Variants in EGR3 observed in about 807,000 individuals in gnomAD.
The protein encoded by EGR3 is early growth response 3.
A neutral mutation model predicts 22.4 loss-of-function variants in EGR3; 4 were observed. The observed-to-expected ratio is 0.18, with a 90% CI of 0.09 to 0.41. EGR3 has a LOEUF of 0.41. Among genes scored for constraint, EGR3 ranks in the 10% least tolerant of loss-of-function variants. EGR3 has a pLI of 1.00. For missense variants in EGR3, 315 were observed against 541.3 expected (o/e 0.58, Z 4.15); for synonymous variants, 219 against 226.8 (o/e 0.97, Z 0.31).
In EGR3 at chr8:22,692,422, G is replaced by A. The variant is rs934816145; in HGVS notation, c.154+369C>T. 5.6e-6 allele frequency: 8 copies of A among 1,433,008 alleles called. No homozygotes were observed. In the African/African-American group the frequency reaches 1.2e-4, roughly 21 times the overall value. The allele number at this position is 1,433,008 out of a possible 1,614,324, so 88.8% of individuals were successfully genotyped here. Reference sequence around the variant, plus strand: ...GGCTCCTCCCGGGAAGAGGGCGACAGCACCACGCCTTGCGCGTAGCCCGGC... The same window carrying A: ...GGCTCCTCCCGGGAAGAGGGCGACAACACCACGCCTTGCGCGTAGCCCGGC... On this transcript the variant is annotated intron_variant, in intron 1 of 1. Transcript: ENST00000317216. This position sits in a 1 kb window ranked among gnomAD's most constrained non-coding sequence, Gnocchi z 6.2.
chr8:22,690,178 C>A lies in EGR3; in HGVS notation c.*295G>T. On this transcript the variant is annotated 3_prime_UTR_variant, in exon 2 of 2. Transcript: ENST00000317216. ...GCAGGTCCTTGGCGCGGCCCGGCGG[C>A]CCCTGGATCAAGGCGATCCGAACTG... 1 of 438,848 alleles carries A rather than the reference C, an allele frequency of 2.3e-6. No homozygotes were observed. Among genetic ancestry groups the A allele is most frequent in the East Asian group, 3.6e-5 (1 of 27,900 alleles). 27.2% of individuals were successfully genotyped at this position (438,848 alleles called of 1,614,324 possible). A position where few individuals can be genotyped will look rare whatever the true frequency, so the allele number is the denominator to read the frequency against.
chr8:22,692,832 C>G lies in EGR3; in HGVS notation c.113G>C (p.Gly38Ala). 1 of 1,613,486 alleles carries G rather than the reference C, an allele frequency of 6.2e-7. No homozygotes were observed. The highest frequency in any genetic ancestry group is 8.5e-7 in the Non-Finnish European group (1 of 1,179,854). The change falls in exon 1 of 2, where the codon GGC becomes GCC. Residue 38 changes from glycine to alanine, a missense_variant. By Grantham distance (60) the Gly-to-Ala change is moderately conservative (BLOSUM62 0). Coordinates refer to ENST00000317216, the MANE Select transcript of EGR3 (RefSeq NM_004430.3). The surrounding 1 kb of genome is among the most constrained non-coding windows in gnomAD (Gnocchi z 6.2). ...GTAATGGACTACCGAGTCGCTGCTG[C>G]CGGAGAAGAGGTTGAGCGCGCTGGG... ...EIPSALNLFS[G>A]SSDSVVHYNQ...
rs2128745402 is a variant in EGR3 at position 22,693,276 on chromosome 8, G to T, written c.-332C>A. 1 of 171,192 alleles carries T rather than the reference G, an allele frequency of 5.8e-6. No individual in the cohort carries two copies. Among genetic ancestry groups the T allele is most frequent in the South Asian group, 9.9e-5 (1 of 10,056 alleles). 10.6% of individuals were successfully genotyped at this position (171,192 alleles called of 1,614,324 possible). A position where few individuals can be genotyped will look rare whatever the true frequency, so the allele number is the denominator to read the frequency against. On this transcript the variant is annotated 5_prime_UTR_variant, in exon 1 of 2. Coordinates refer to ENST00000317216, the MANE Select transcript of EGR3 (RefSeq NM_004430.3). ...GCTGGGGGGGGATCTCGGCTCAAGG[G>T]GGTCGGACGCGGCCTCAGTATTGAT...
chr8:22,690,891 G>A lies in EGR3; in HGVS notation c.746C>T (p.Pro249Leu), dbSNP rs1195170524. The A allele has an allele frequency of 4.4e-6, 7 of 1,578,774 alleles. No homozygotes were observed. Among genetic ancestry groups the A allele is most frequent in the South Asian group, 1.2e-5 (1 of 85,510 alleles). The change falls in exon 2 of 2, where the codon CCG becomes CTG. Residue 249 changes from proline (P) to leucine (L), a missense_variant. Around this residue, in one of 4 missense-constraint regions of EGR3, gnomAD observed 34 missense variants for 81.9 expected, o/e 0.42. Coordinates refer to ENST00000317216, the MANE Select transcript of EGR3 (RefSeq NM_004430.3). ...IHPGFGSLPQ[P>L]PLTLKPIRPR... ...CCGGATGGGCTTGAGGGTGAGCGGC[G>A]GCTGGGGCAGGCTGCCAAAGCCCGG...
rs1585223098 is a variant in EGR3, at chr8:22,691,931, G to A, written c.155-449C>T. 10 of 1,231,750 alleles carry A rather than the reference G, an allele frequency of 8.1e-6. No homozygotes were observed. The East Asian group carries it at 3.1e-4, about 38-fold the overall frequency. The allele number at this position is 1,231,750 out of a possible 1,614,324, so 76.3% of individuals were successfully genotyped here. On this transcript the variant is annotated intron_variant, in intron 1 of 1. Coordinates refer to ENST00000317216, the MANE Select transcript of EGR3 (RefSeq NM_004430.3). ...GCCGCGCCTTTCCCTCCCCGGCGAT[G>A]CCCCCCACGCGCGCTGCTCCCGGGT... is the stretch of plus-strand genomic sequence containing the variant.
chr8:22,692,711 ATCC>A lies in EGR3; in HGVS notation c.154+77_154+79del. 1 of 1,549,578 alleles carries A rather than the reference ATCC, an allele frequency of 6.5e-7. No individual in the cohort carries two copies. Among genetic ancestry groups the A allele is most frequent in the South Asian group, 1.1e-5 (1 of 86,996 alleles). On this transcript the variant is annotated intron_variant, in intron 1 of 1. Coordinates refer to ENST00000317216, the MANE Select transcript of EGR3 (RefSeq NM_004430.3). The surrounding 1 kb of genome is among the most constrained non-coding windows in gnomAD (Gnocchi z 6.2). Reference sequence around the variant, plus strand: ...CATCCATCCATCCATCCATCCATCCATCCATCACCAGGTCGTCCCCTCCTCCTC... The same window carrying A: ...CATCCATCCATCCATCCATCCATCCAATCACCAGGTCGTCCCCTCCTCCTC...
chr8:22,691,925 G>T lies in EGR3; in HGVS notation c.155-443C>A, dbSNP rs1803979533. 3 of 1,233,040 alleles carry T rather than the reference G, an allele frequency of 2.4e-6. No homozygotes were observed. The African/African-American group carries it at 4.7e-5, about 19-fold the overall frequency. The allele number at this position is 1,233,040 out of a possible 1,614,324, so 76.4% of individuals were successfully genotyped here. ...CAGGACGCCGCGCCTTTCCCTCCCC[G>T]GCGATGCCCCCCACGCGCGCTGCTC... On this transcript the variant is annotated intron_variant, in intron 1 of 1. Coordinates refer to ENST00000317216, the MANE Select transcript of EGR3 (RefSeq NM_004430.3).
At position 22,690,763 on chromosome 8, in the gene EGR3, G is replaced by A; in HGVS notation, c.874C>T (p.Leu292=). 1.9e-6 allele frequency: 3 copies of A among 1,613,808 alleles called. No homozygotes were observed. The highest frequency in any genetic ancestry group is 2.5e-6 in the Non-Finnish European group (3 of 1,179,782). Residue 292 remains leucine, a synonymous_variant, in exon 2 of 2, where the codon CTG becomes TTG. Coordinates refer to ENST00000317216, the MANE Select transcript of EGR3 (RefSeq NM_004430.3). ...CDRRFSRSDE[L]TRHLRIHTGH... ...GTGTGGATGCGCAGGTGCCGGGTCA[G>A]CTCGTCCGAACGGCTGAAACGGCGG... is the stretch of plus-strand genomic sequence containing the variant.
At position 22,688,208 on chromosome 8, in the gene EGR3, C is replaced by T. The variant is rs1025584097; in HGVS notation, c.*2265G>A. The T allele has an allele frequency of 6.6e-6, 1 of 152,196 alleles. No homozygotes were observed. Among genetic ancestry groups the T allele is most frequent in the Non-Finnish European group, 1.5e-5 (1 of 67,976 alleles). The allele number at this position is 152,196 out of a possible 1,614,324, so 9.4% of individuals were successfully genotyped here. On this transcript the variant is annotated 3_prime_UTR_variant, in exon 2 of 2. Coordinates refer to ENST00000317216, the MANE Select transcript of EGR3 (RefSeq NM_004430.3). ...CAAAGTTATTTTTCTCTTAGTTTAGCTTAATGTCTGAGAACAGTTTTATTA... is the reference window on the plus strand; with the variant it reads ...CAAAGTTATTTTTCTCTTAGTTTAGTTTAATGTCTGAGAACAGTTTTATTA...
In EGR3 at chr8:22,690,581, G is replaced by C. The variant is rs1803916673; in HGVS notation, c.1056C>G (p.Ala352=). 21 of 1,614,066 alleles carry C rather than the reference G, an allele frequency of 1.3e-5. No individual in the cohort carries two copies. Among genetic ancestry groups the C allele is most frequent in the Non-Finnish European group, 1.8e-5 (21 of 1,179,978 alleles). ...TCTCCTTTTGCTTGAGGTGGATCTTGGCGTGGCGCTTGCGCTCGTCGCTGC... is the reference window on the plus strand; with the variant it reads ...TCTCCTTTTGCTTGAGGTGGATCTTCGCGTGGCGCTTGCGCTCGTCGCTGC... The part of the protein sequence containing the change: ...FARSDERKRH[A]KIHLKQKEKK... The change falls in exon 2 of 2, where the codon GCC becomes GCG. Residue 352 remains alanine (A), a synonymous_variant. Transcript: ENST00000317216.
At chr8:22,691,709 A>C in intron 1 of EGR3, 1 of 984,790 alleles carries the variant, frequency 1.0e-6, no homozygotes, top group South Asian at 4.7e-5. Flanking sequence ...GCTGCTGCAC[A>C]CACAGCGCAC....
Position 22,691,420 on chromosome 8 carries a change from A to G in EGR3, c.217T>C (p.Ser73Pro). Residue 73 changes from serine to proline, a missense_variant, in exon 2 of 2, where the codon TCC becomes CCC. This residue lies in a region of EGR3 where 227 missense variants were observed against 303.6 expected (regional missense o/e 0.75). Transcript: ENST00000317216. ...KPNPELSYSG[S>P]FQPAPGNKTV... is the part of the protein sequence containing the mutation. ...TTGTTGCCGGGGGCTGGCTGGAAGGAGCCGGAGTAAGAGAGTTCCGGGTTG... is the reference window on the plus strand; with the variant it reads ...TTGTTGCCGGGGGCTGGCTGGAAGGGGCCGGAGTAAGAGAGTTCCGGGTTG... 1 of 1,613,640 alleles carries G rather than the reference A, an allele frequency of 6.2e-7. No homozygotes were observed. The highest frequency in any genetic ancestry group is 8.5e-7 in the Non-Finnish European group (1 of 1,179,896).
In EGR3 at chr8:22,692,710, C is replaced by T; in HGVS notation, c.154+81G>A. 6.5e-7 allele frequency: 1 copy of T among 1,549,236 alleles called. No individual in the cohort carries two copies. Among genetic ancestry groups the T allele is most frequent in the African/African-American group, 1.4e-5 (1 of 73,852 alleles). The stretch of plus-strand genomic sequence containing the variant: ...CCATCCATCCATCCATCCATCCATC[C>T]ATCCATCACCAGGTCGTCCCCTCCT... On this transcript the variant is annotated intron_variant, in intron 1 of 1. Transcript: ENST00000317216. The surrounding 1 kb of genome is among the most constrained non-coding windows in gnomAD (Gnocchi z 6.2).
Position 22,690,785 on chromosome 8 carries a change from G to T in EGR3, c.852C>A (p.Arg284=). The change falls in exon 2 of 2, where the codon CGC becomes CGA. Residue 284 remains arginine, a synonymous_variant. Transcript: ENST00000317216. ...PHACPAEGCD[R]RFSRSDELTR... ...TCAGCTCGTCCGAACGGCTGAAACG[G>T]CGGTCGCAGCCCTCGGCCGGGCACG... The T allele has an allele frequency of 6.2e-7, 1 of 1,613,340 alleles. No individual in the cohort carries two copies. Among genetic ancestry groups the T allele is most frequent in the Non-Finnish European group, 8.5e-7 (1 of 1,179,484 alleles).
intron 1 of EGR3, chr8:22,691,895 C>G: frequency 5.7e-6 from 7 of 1,224,496 alleles, no homozygotes; most frequent in Non-Finnish European, 7.2e-6. Flanking sequence ...TGGCCCTGTC[C>G]GCTCCAGGAC....
At position 22,690,372 on chromosome 8, in the gene EGR3, G is replaced by T; in HGVS notation, c.*101C>A. Reference sequence around the variant, plus strand: ...GGGCCGCACGTCCATGGAGAGGCCAGGGCGCGGCCCCTACGCCTCCGTGGC... The same window carrying T: ...GGGCCGCACGTCCATGGAGAGGCCATGGCGCGGCCCCTACGCCTCCGTGGC... On this transcript the variant is annotated 3_prime_UTR_variant, in exon 2 of 2. Coordinates refer to ENST00000317216, the MANE Select transcript of EGR3 (RefSeq NM_004430.3). The T allele has an allele frequency of 1.0e-6, 1 of 988,302 alleles. No homozygotes were observed. Among genetic ancestry groups the T allele is most frequent in the South Asian group, 1.6e-5 (1 of 61,718 alleles). The allele number at this position is 988,302 out of a possible 1,614,324, so 61.2% of individuals were successfully genotyped here. A position where few individuals can be genotyped will look rare whatever the true frequency, so the allele number is the denominator to read the frequency against.
Position 22,691,350 on chromosome 8 carries a change from T to C in EGR3, c.287A>G (p.Asn96Ser). ...GCTAATGATGTTGTCCTGGCACCAG[T>C]TGGAAGGGGAGTCGAAGGCGAACTT... Reference protein sequence around the residue: ...LGKFAFDSPSNWCQDNIISLM... With the variant: ...LGKFAFDSPSSWCQDNIISLM... The change falls in exon 2 of 2, where the codon AAC (asparagine) becomes AGC (serine). Residue 96 changes from asparagine to serine, a missense_variant. By Grantham distance (46) the Asn-to-Ser change is conservative (BLOSUM62 1). Coordinates refer to ENST00000317216, the MANE Select transcript of EGR3 (RefSeq NM_004430.3). The C allele has an allele frequency of 1.9e-6, 3 of 1,613,906 alleles. No homozygotes were observed. The highest frequency in any genetic ancestry group is 2.5e-6 in the Non-Finnish European group (3 of 1,179,956).
chr8:22,692,149 A>C lies in EGR3; in HGVS notation c.154+642T>G. 7.3e-7 allele frequency: 1 copy of C among 1,375,336 alleles called. No individual in the cohort carries two copies. Among genetic ancestry groups the C allele is most frequent in the Non-Finnish European group, 9.4e-7 (1 of 1,069,488 alleles). 85.2% of individuals were successfully genotyped at this position (1,375,336 alleles called of 1,614,324 possible). A position where few individuals can be genotyped will look rare whatever the true frequency, so the allele number is the denominator to read the frequency against. On this transcript the variant is annotated intron_variant, in intron 1 of 1. Coordinates refer to ENST00000317216, the MANE Select transcript of EGR3 (RefSeq NM_004430.3). This position sits in a 1 kb window ranked among gnomAD's most constrained non-coding sequence, Gnocchi z 6.2. ...CGGCGGAAAACCGGCCGGTGTCTCC[A>C]TGGCGGGAGAGGCCGCCCTTCCCCA...
Position 22,692,528 on chromosome 8 carries a change from G to T in EGR3, c.154+263C>A, listed in dbSNP as rs897668302. The stretch of plus-strand genomic sequence containing the variant: ...CTCCGGTCGGCGGCTGCCCCCACCC[G>T]GGAGAACCGAAGCCTCTACCGTGGC... On this transcript the variant is annotated intron_variant, in intron 1 of 1. Coordinates refer to ENST00000317216, the MANE Select transcript of EGR3 (RefSeq NM_004430.3). This position sits in a 1 kb window ranked among gnomAD's most constrained non-coding sequence, Gnocchi z 6.2. 7 of 1,423,384 alleles carry T rather than the reference G, an allele frequency of 4.9e-6. No individual in the cohort carries two copies. Among genetic ancestry groups the T allele is most frequent in the Non-Finnish European group, 6.4e-6 (7 of 1,092,810 alleles). 88.2% of individuals were successfully genotyped at this position (1,423,384 alleles called of 1,614,324 possible).
Sources: allele counts gnomAD v4.1 joint callset, GRCh38; gene constraint gnomAD v4.1.1; regional missense constraint gnomAD v4.1.1; non-coding constraint Gnocchi (gnomAD v3.1); transcripts MANE v1.5; gene names NCBI Gene and HGNC (gene_info 2026-07-23, HGNC 2026-07-21).